The following ARHGAP23 variants were observed in gnomAD, a reference collection of about 807,000 sequenced individuals.
ARHGAP23 encodes the protein rho GTPase-activating protein 23.
In ARHGAP23, 34 loss-of-function variants were observed where a neutral mutation model predicts 136.3. The observed-to-expected ratio is 0.25, with a 90% CI of 0.19 to 0.33. The LOEUF is 0.33. Among genes scored for constraint, ARHGAP23 ranks in the 10% least tolerant of loss-of-function variants. The pLI, the probability that ARHGAP23 is intolerant of heterozygous loss-of-function variation, is 1.00. For synonymous variants in ARHGAP23, 832 were observed against 920.5 expected (o/e 0.90, Z 1.74); for missense variants, 1,808 against 2,139.0 (o/e 0.85, Z 3.05).
At chr17:38,443,962 G>A (rs544332829) in intron 1 of ARHGAP23, among the ~76,000 whole-genome samples, 45 of 152,258 alleles carry the variant, frequency 3.0e-4, no homozygotes, top group African/African-American at 1.1e-3. Flanking sequence ...GAAATGCACT[G>A]TCCAGCGTGA....
chr17:38,423,065 CTG>C, intron 1 of ARHGAP23, among the ~76,000 whole-genome samples: 1 of 152,330 alleles, frequency 6.6e-6, no homozygotes, highest in Non-Finnish European at 1.5e-5. Flanking sequence ...TTGCTCAACA[CTG>C]TGCTTGCACC....
chr17:38,448,628 A>G (rs971997212), intron 1 of ARHGAP23, among the ~76,000 whole-genome samples: 1 of 149,882 alleles, frequency 6.7e-6, no homozygotes, highest in African/African-American at 2.5e-5. Flanking sequence ...CTGCCACTGA[A>G]AGAACTTGGG....
chr17:38,499,750 C>T (rs1042798632), intron 22 of ARHGAP23, among the ~76,000 whole-genome samples: 2 of 152,118 alleles, frequency 1.3e-5, no homozygotes, highest in African/African-American at 4.8e-5. Context: ...GAGAGGGGGG[C>T]GTCTAACTTG....
intron 1 of ARHGAP23, among the ~76,000 whole-genome samples, chr17:38,452,863 G>A (rs781052845): frequency 8.5e-5 from 13 of 152,228 alleles, no homozygotes; most frequent in Admixed American, 3.3e-4. Flanking sequence ...GGGAGAGGGG[G>A]CAGCTTTGAA....
At chr17:38,507,300 T>TAATAATAATAATAATAATAAC (rs745375857) in intron 23 of ARHGAP23, among the ~76,000 whole-genome samples, 1,665 of 150,250 alleles carry the variant, frequency 0.011, 17 homozygotes, top group Non-Finnish European at 0.016. Context: ...ATAATAATAA[T>TAATAATAATAATAATAATAAC]AATAATGCTC....
intron 1 of ARHGAP23, among the ~76,000 whole-genome samples, chr17:38,437,730 C>A (rs1472240128): frequency 6.6e-6 from 1 of 151,748 alleles, no homozygotes; most frequent in Non-Finnish European, 1.5e-5. Context: ...ACCCCTCACC[C>A]AGGGAAGTTA....
upstream of ARHGAP23, among the ~76,000 whole-genome samples, chr17:38,424,474 G>A (rs1465883582): frequency 6.6e-6 from 1 of 152,030 alleles, no homozygotes; most frequent in Admixed American, 6.6e-5. Context: ...TGTTGTCTCT[G>A]CCCCACACAG....
Position 38,466,640 on chromosome 17 carries a change from G to T in ARHGAP23, c.957G>T (p.Arg319=), listed in dbSNP as rs1356246408. 6 of 1,520,158 alleles carry T rather than the reference G, an allele frequency of 3.9e-6. No homozygotes were observed. The highest frequency in any genetic ancestry group is 1.2e-5 in the South Asian group (1 of 80,596). 94.2% of individuals were successfully genotyped at this position (1,520,158 alleles called of 1,614,324 possible). Reference sequence around the variant, plus strand: ...GGGCCCGCAGCGCCTCCCAGGACCGGTTGGAGGAGGTGGCTGCCCCCCGCC... The same window carrying T: ...GGGCCCGCAGCGCCTCCCAGGACCGTTTGGAGGAGGTGGCTGCCCCCCGCC... ...APRARSASQD[R]LEEVAAPRPW... The change falls in exon 7 of 24, where the codon CGG becomes CGT. Residue 319 remains arginine (R), a synonymous_variant. Transcript: ENST00000622683.
In ARHGAP23 at chr17:38,511,137, AGAG is replaced by A. The variant is rs776527068; in HGVS notation, c.*169_*171del. 1.8e-4 allele frequency: 133 copies of A among 743,360 alleles called. No homozygotes were observed. The East Asian group carries it at 2.1e-3, about 12-fold the overall frequency. The allele number at this position is 743,360 out of a possible 1,614,324, so 46.0% of individuals were successfully genotyped here. ...GTTGGTGTGCTGGAACTGGCAGGGC[AGAG>A]GAGAAGGCTGGGGCCGGACTAATTG... is the stretch of plus-strand genomic sequence containing the variant. On this transcript the variant is annotated 3_prime_UTR_variant, in exon 24 of 24. Transcript: ENST00000622683.
upstream of ARHGAP23, among the ~76,000 whole-genome samples, chr17:38,426,550 C>CA (rs751365956): frequency 0.098 from 4,993 of 51,110 alleles, 665 homozygotes; most frequent in African/African-American, 0.26. Context: ...AACTCCATCT[C>CA]AAAAAAAAAA....
At chr17:38,467,394 T>C in intron 7 of ARHGAP23, 63 bp downstream of exon 7, 1 of 1,418,286 alleles carries the variant, frequency 7.1e-7, no homozygotes, top group South Asian at 1.5e-5. Flanking sequence ...TGTCCTGCTG[T>C]ACCCCATCTG....
Position 38,510,779 on chromosome 17 carries a change from G to A in ARHGAP23, c.4283G>A (p.Gly1428Glu). 6.7e-7 allele frequency: 1 copy of A among 1,499,718 alleles called. No homozygotes were observed. The highest frequency in any genetic ancestry group is 8.9e-7 in the Non-Finnish European group (1 of 1,126,780). The allele number at this position is 1,499,718 out of a possible 1,614,324, so 92.9% of individuals were successfully genotyped here. ...NFNEWKELGG[G>E]GPPEPAGARA... ...AACGAGTGGAAGGAGCTGGGCGGAGGGGGCCCCCCGGAGCCTGCGGGCGCG... is the reference window on the plus strand; with the variant it reads ...AACGAGTGGAAGGAGCTGGGCGGAGAGGGCCCCCCGGAGCCTGCGGGCGCG... The change falls in exon 24 of 24, where the codon GGG becomes GAG. Residue 1428 changes from glycine (G) to glutamate (E), a missense_variant. By Grantham distance (98) the Gly-to-Glu change is moderately conservative (BLOSUM62 -2). Coordinates refer to ENST00000622683, the MANE Select transcript of ARHGAP23 (RefSeq NM_001199417.2). This position sits in a 1 kb window ranked among gnomAD's most constrained non-coding sequence, Gnocchi z 4.6.
chr17:38,473,582 G>A (rs141850573), intron 11 of ARHGAP23, among the ~76,000 whole-genome samples: 2,170 of 150,614 alleles, frequency 0.014, 33 homozygotes, highest in Non-Finnish European at 0.02. Context: ...AGCCAGGGCA[G>A]CCCTGCCCTC....
chr17:38,510,173 C>T lies in ARHGAP23; in HGVS notation c.3677C>T (p.Pro1226Leu). 1 of 1,310,768 alleles carries T rather than the reference C, an allele frequency of 7.6e-7. No individual in the cohort carries two copies. Among genetic ancestry groups the T allele is most frequent in the Non-Finnish European group, 9.6e-7 (1 of 1,037,836 alleles). The allele number at this position is 1,310,768 out of a possible 1,614,324, so 81.2% of individuals were successfully genotyped here. ...PLPGAVAPEAPGRLSPPAAPE... is the reference protein window; with the variant it reads ...PLPGAVAPEALGRLSPPAAPE... ...CCTGGCGCCGTCGCCCCCGAGGCCC[C>T]CGGACGCCTCAGTCCCCCGGCGGCG... The change falls in exon 24 of 24, where the codon CCC becomes CTC. Residue 1226 changes from proline (P) to leucine (L), a missense_variant. Pro to Leu is a moderately conservative substitution (Grantham distance 98, BLOSUM62 -3). Around this residue, in one of 7 missense-constraint regions of ARHGAP23, gnomAD observed 506 missense variants for 455.8 expected, o/e 1.11. Coordinates refer to ENST00000622683, the MANE Select transcript of ARHGAP23 (RefSeq NM_001199417.2). The surrounding 1 kb of genome is among the most constrained non-coding windows in gnomAD (Gnocchi z 4.6).
At chr17:38,474,465 G>C (rs1420398114) in intron 11 of ARHGAP23, among the ~76,000 whole-genome samples, 4 of 152,146 alleles carry the variant, frequency 2.6e-5, no homozygotes, top group African/African-American at 4.8e-5. Flanking sequence ...TGGATTCCTG[G>C]CTTGGGCTGA....
chr17:38,442,865 C>T (rs1173204330), intron 1 of ARHGAP23, among the ~76,000 whole-genome samples: 1 of 152,050 alleles, frequency 6.6e-6, no homozygotes, highest in African/African-American at 2.4e-5. Context: ...CTGTCAGATG[C>T]CAGAGAGGTG....
chr17:38,475,428 C>T (rs2039870926), intron 11 of ARHGAP23, among the ~76,000 whole-genome samples: 1 of 152,236 alleles, frequency 6.6e-6, no homozygotes, highest in South Asian at 2.1e-4. Context: ...TAAAATTCTC[C>T]CTGGAGGGCT....
At chr17:38,472,409 T>G (rs892282265) in intron 11 of ARHGAP23, among the ~76,000 whole-genome samples, 17 of 146,916 alleles carry the variant, frequency 1.2e-4, no homozygotes, top group African/African-American at 4.6e-4. Flanking sequence ...GTGTTCATCC[T>G]AAGGGCAACC....
intron 11 of ARHGAP23, among the ~76,000 whole-genome samples, chr17:38,473,119 T>G (rs2039803632): frequency 6.6e-6 from 1 of 150,708 alleles, no homozygotes; most frequent in East Asian, 1.9e-4. Flanking sequence ...TTTTTTTTTT[T>G]TTTTGTATTT....
Sources: allele counts gnomAD v4.1 joint callset (sites outside exome capture counted in the v4.1 genomes callset), GRCh38; gene constraint gnomAD v4.1.1; regional missense constraint gnomAD v4.1.1; non-coding constraint Gnocchi (gnomAD v3.1); transcripts MANE v1.5; gene names NCBI Gene and HGNC (gene_info 2026-07-23, HGNC 2026-07-21).